SV2C: variants seen among roughly 807,000 people sequenced by gnomAD.
SV2C encodes the protein synaptic vesicle glycoprotein 2C, also known as solute carrier family 22 member B3.
In SV2C, 49 loss-of-function variants were observed where a neutral mutation model predicts 79.7. The observed-to-expected ratio is 0.61, with a 90% CI of 0.49 to 0.78. The LOEUF is 0.78. Ranked by LOEUF, SV2C falls within the 30% of genes least tolerant of loss-of-function variation. SV2C has a pLI of 0.00. For missense variants in SV2C, 833 were observed against 912.9 expected (o/e 0.91, Z 1.13); for synonymous variants, 334 against 333.2 (o/e 1.00, Z -0.03).
At chr5:76,124,361 A>G (rs780702790) in intron 1 of SV2C, among the ~76,000 whole-genome samples, 7 of 152,172 alleles carry the variant, frequency 4.6e-5, no homozygotes, top group Non-Finnish European at 7.4e-5. Context: ...AGAATCATAT[A>G]GTATTTGTCT....
At chr5:75,999,654 T>A in the SV2C span, among the ~76,000 whole-genome samples, 1 of 44,086 alleles carries the variant, frequency 2.3e-5, no homozygotes, top group Non-Finnish European at 6.8e-5. Context: ...TTCTCTGCCT[T>A]TTTTTTTTTT....
chr5:75,971,056 A>G, the SV2C span, among the ~76,000 whole-genome samples: 4 of 152,142 alleles, frequency 2.6e-5, no homozygotes, highest in African/African-American at 9.7e-5. Context: ...GAATATAAAC[A>G]GAACCAAAGA....
the SV2C span, among the ~76,000 whole-genome samples, chr5:75,865,855 A>G: frequency 6.6e-6 from 1 of 152,202 alleles, no homozygotes; most frequent in African/African-American, 2.4e-5. Flanking sequence ...GGGTTAGCCA[A>G]CCTTTGTCAC....
chr5:76,294,856 T>C (rs1252752565), intron 8 of SV2C, among the ~76,000 whole-genome samples: 1 of 152,144 alleles, frequency 6.6e-6, no homozygotes, highest in Non-Finnish European at 1.5e-5. Flanking sequence ...ATAACACGAA[T>C]GTCCTCTTCC....
At chr5:76,077,396 G>C in the SV2C span, among the ~76,000 whole-genome samples, 1 of 152,192 alleles carries the variant, frequency 6.6e-6, no homozygotes, top group Non-Finnish European at 1.5e-5. Context: ...AGAGATTTAA[G>C]AGACATATCA....
chr5:76,227,703 C>T (rs1446205880), intron 4 of SV2C, among the ~76,000 whole-genome samples: 1 of 152,176 alleles, frequency 6.6e-6, no homozygotes, highest in East Asian at 1.9e-4. Context: ...AATAAACAGG[C>T]TACTCAGGGG....
intron 8 of SV2C, among the ~76,000 whole-genome samples, chr5:76,292,212 C>T (rs1477523835): frequency 6.6e-6 from 1 of 152,092 alleles, no homozygotes; most frequent in Non-Finnish European, 1.5e-5. Flanking sequence ...TTGCGGTGTT[C>T]CTCTGCCTGA....
chr5:76,075,326 T>G, the SV2C span, among the ~76,000 whole-genome samples: 1 of 152,256 alleles, frequency 6.6e-6, no homozygotes, highest in African/African-American at 2.4e-5. Flanking sequence ...CAAATGTCAT[T>G]GAGCAGAATT....
the SV2C span, among the ~76,000 whole-genome samples, chr5:75,928,531 T>G: frequency 6.6e-6 from 1 of 152,224 alleles, no homozygotes; most frequent in South Asian, 2.1e-4. Flanking sequence ...CCTGCAATTG[T>G]AATCAGAATT....
intron 12 of SV2C, among the ~76,000 whole-genome samples, chr5:76,318,400 AGAGT>A (rs2112556083): frequency 6.6e-6 from 1 of 152,272 alleles, no homozygotes; most frequent in African/African-American, 2.4e-5. Flanking sequence ...CCTGGGCAAT[AGAGT>A]GAGACTCCAT....
chr5:76,184,302 G>A (rs1175949196), intron 2 of SV2C, among the ~76,000 whole-genome samples: 3 of 152,132 alleles, frequency 2.0e-5, no homozygotes, highest in Non-Finnish European at 4.4e-5. Flanking sequence ...CAAGTTTGTG[G>A]ACCTCTCCTC....
intron 4 of SV2C, among the ~76,000 whole-genome samples, chr5:76,243,077 G>A (rs1031105175): frequency 2.0e-5 from 3 of 147,854 alleles, no homozygotes; most frequent in Non-Finnish European, 4.5e-5. Context: ...CGAAGATAGT[G>A]GCATCTACTT....
chr5:76,020,545 G>A, the SV2C span, among the ~76,000 whole-genome samples: 1 of 152,282 alleles, frequency 6.6e-6, no homozygotes, highest in Admixed American at 6.5e-5. Flanking sequence ...TGGAAATCCT[G>A]GACTTAGCAC....
At chr5:76,030,266 G>GGTT in the SV2C span, among the ~76,000 whole-genome samples, 22 of 31,956 alleles carry the variant, frequency 6.9e-4, 2 homozygotes, top group African/African-American at 2.9e-3. Context: ...TCAGAGGCTT[G>GGTT]TTTTTTTTTT....
At chr5:76,249,980 G>A (rs1561283107) in intron 4 of SV2C, among the ~76,000 whole-genome samples, 1 of 152,182 alleles carries the variant, frequency 6.6e-6, no homozygotes, top group African/African-American at 2.4e-5. Flanking sequence ...GTTTTATTCT[G>A]AACGTTTGCT....
intron 2 of SV2C, among the ~76,000 whole-genome samples, chr5:76,169,492 T>A (rs1447329720): frequency 6.6e-6 from 1 of 152,214 alleles, no homozygotes; most frequent in African/African-American, 2.4e-5. Flanking sequence ...TCAGTTAGGA[T>A]TTTGTTTCTA....
At chr5:75,929,653 AATTTT>A in the SV2C span, among the ~76,000 whole-genome samples, 1 of 152,194 alleles carries the variant, frequency 6.6e-6, no homozygotes, top group East Asian at 1.9e-4. Context: ...GTACACAACT[AATTTT>A]ATTGTAAGTT....
chr5:75,865,754 G>A, the SV2C span, among the ~76,000 whole-genome samples: 4 of 152,196 alleles, frequency 2.6e-5, no homozygotes, highest in Non-Finnish European at 4.4e-5. Flanking sequence ...GAAGATTTCC[G>A]TAGGACGTTA....
At chr5:75,910,973 C>T in the SV2C span, 24 of 923,224 alleles carry the variant, frequency 2.6e-5, no homozygotes, top group South Asian at 1.3e-4. Context: ...TCCCCCAGTT[C>T]GAACATCTAT....
Sources: gnomAD v4.1 joint callset for allele counts (sites outside exome capture counted in the v4.1 genomes callset) on GRCh38, gnomAD v4.1.1 for gene constraint, MANE v1.5 for transcripts, NCBI Gene and HGNC (gene_info 2026-07-23, HGNC 2026-07-21) for gene names.